RGPD2: variants seen among roughly 807,000 people sequenced by gnomAD.
The protein encoded by RGPD2 is RANBP2 like and GRIP domain containing 2.
A neutral mutation model predicts 36.0 loss-of-function variants in RGPD2; 2 were observed. The ratio of observed to expected loss-of-function variants is 0.06; its 90% CI spans 0.02 to 0.17. The LOEUF is 0.17. RGPD2 is among the 10% of genes least tolerant of loss of function. The pLI is 1.00. For missense variants in RGPD2, 40 were observed against 464.3 expected, an observed-to-expected ratio of 0.09 and a Z score of 8.40; for synonymous variants, 19 against 163.8, an observed-to-expected ratio of 0.12 and a Z score of 6.75.
the RGPD2 span, among the ~76,000 whole-genome samples, chr2:87,839,210 C>T: frequency 6.6e-6 from 1 of 152,110 alleles, no homozygotes; most frequent in Admixed American, 6.6e-5. Context: ...AAAAAATGGG[C>T]AAAGGCCATG....
chr2:87,961,504 C>G, the RGPD2 span, among the ~76,000 whole-genome samples: 1 of 151,714 alleles, frequency 6.6e-6, no homozygotes, highest in African/African-American at 2.4e-5. Flanking sequence ...AGTTGGAGAC[C>G]AGCCTGGCCA....
At chr2:87,940,241 G>T in the RGPD2 span, among the ~76,000 whole-genome samples, 1 of 151,990 alleles carries the variant, frequency 6.6e-6, no homozygotes, top group Non-Finnish European at 1.5e-5. Context: ...GTGCAGCTGC[G>T]CTAGGCTGTT....
At chr2:87,807,387 T>G (rs1173278943) in intron 6 of RGPD2, among the ~76,000 whole-genome samples, 5 of 127,802 alleles carry the variant, frequency 3.9e-5, no homozygotes, top group South Asian at 2.5e-4. Context: ...ATTGTTTTTT[T>G]TTTTTTTTTT....
the RGPD2 span, among the ~76,000 whole-genome samples, chr2:87,940,254 T>C: frequency 5.9e-4 from 89 of 152,002 alleles, no homozygotes; most frequent in Non-Finnish European, 1.1e-3. Flanking sequence ...AGGCTGTTTG[T>C]AAGCGGACAA....
the RGPD2 span, among the ~76,000 whole-genome samples, chr2:87,864,609 G>C: frequency 1.3e-3 from 161 of 125,332 alleles, no homozygotes; most frequent in Middle Eastern, 4.1e-3. Context: ...TAGATAGATA[G>C]ATAGATAGAT....
At chr2:87,777,721 T>C (rs1574001839) in intron 20 of RGPD2, among the ~76,000 whole-genome samples, 1 of 152,056 alleles carries the variant, frequency 6.6e-6, no homozygotes, top group East Asian at 1.9e-4. Flanking sequence ...TGGCACGATC[T>C]TGGCTCACAG....
At chr2:87,971,540 C>T in the RGPD2 span, among the ~76,000 whole-genome samples, 3 of 141,456 alleles carry the variant, frequency 2.1e-5, 1 homozygote, top group South Asian at 4.6e-4. Flanking sequence ...AAATTACAAA[C>T]TCTGATATAT....
chr2:87,958,514 C>T, the RGPD2 span, among the ~76,000 whole-genome samples: 3 of 152,382 alleles, frequency 2.0e-5, no homozygotes, highest in Admixed American at 2.0e-4. Context: ...ACATTTCTAT[C>T]TCCTATTAAA....
At chr2:87,912,055 C>G in the RGPD2 span, among the ~76,000 whole-genome samples, 1 of 151,734 alleles carries the variant, frequency 6.6e-6, no homozygotes, top group African/African-American at 2.4e-5. Flanking sequence ...TCGAAGATAC[C>G]AGGTTGTTTT....
the RGPD2 span, chr2:87,972,581 G>GGCAGCA: frequency 1.7e-5 from 15 of 893,084 alleles, no homozygotes; most frequent in Non-Finnish European, 2.3e-5. Context: ...CCATGGCAGT[G>GGCAGCA]GCAGCAGAGG....
chr2:87,830,149 A>G (rs1357760110), upstream of RGPD2, among the ~76,000 whole-genome samples: 1 of 151,320 alleles, frequency 6.6e-6, no homozygotes, highest in Non-Finnish European at 1.5e-5. Context: ...ACCTCCTTTG[A>G]CTGAAGGTCC....
At chr2:87,824,850 GGCCGAGGCCGAGGCCGCCGCC>G (rs1375575133) in intron 1 of RGPD2, 2 of 102,454 alleles carry the variant, frequency 2.0e-5, no homozygotes, top group African/African-American at 7.8e-5. Flanking sequence ...CGCCCGGCCA[GGCCGAGGCCGAGGCCGCCGCC>G]GCCGCCGCCG....
the RGPD2 span, among the ~76,000 whole-genome samples, chr2:87,873,671 G>T: frequency 5.9e-5 from 9 of 152,068 alleles, no homozygotes; most frequent in East Asian, 1.7e-3. Context: ...TGAATGGCTT[G>T]GGAGGCCTCA....
the RGPD2 span, among the ~76,000 whole-genome samples, chr2:87,914,849 G>A: frequency 6.6e-6 from 1 of 151,888 alleles, no homozygotes; most frequent in African/African-American, 2.4e-5. Flanking sequence ...AACACCCAGA[G>A]AAGTCCTGGG....
intron 1 of RGPD2, among the ~76,000 whole-genome samples, chr2:87,824,264 T>A (rs1686508168): frequency 6.6e-6 from 1 of 151,684 alleles, no homozygotes; most frequent in East Asian, 1.9e-4. Flanking sequence ...AGTGCTCGGA[T>A]TACAGACGAA....
At chr2:87,864,712 A>C in the RGPD2 span, among the ~76,000 whole-genome samples, 1 of 152,288 alleles carries the variant, frequency 6.6e-6, no homozygotes, top group Non-Finnish European at 1.5e-5. Context: ...AACTGGTTGA[A>C]CATCTTTTCA....
At chr2:87,978,405 GT>G in the RGPD2 span, among the ~76,000 whole-genome samples, 60 of 68,026 alleles carry the variant, frequency 8.8e-4, no homozygotes, top group African/African-American at 2.7e-3. Flanking sequence ...AGGACTACAG[GT>G]TATGCGCCAT....
chr2:87,970,224 G>A, the RGPD2 span, among the ~76,000 whole-genome samples: 317 of 151,844 alleles, frequency 2.1e-3, no homozygotes, highest in African/African-American at 6.3e-3. Flanking sequence ...CTACCACTTC[G>A]GAATTTTATG....
the RGPD2 span, among the ~76,000 whole-genome samples, chr2:87,909,091 G>A: frequency 6.7e-6 from 1 of 149,796 alleles, no homozygotes; most frequent in Admixed American, 6.7e-5. Context: ...TAAGAGTCAG[G>A]GATGGGGTAT....
Sources: gnomAD v4.1 joint callset for allele counts (sites outside exome capture counted in the v4.1 genomes callset) on GRCh38, gnomAD v4.1.1 for gene constraint, MANE v1.5 for transcripts, NCBI Gene and HGNC (gene_info 2026-07-23, HGNC 2026-07-21) for gene names.